Variants in PTPRG observed in about 807,000 individuals in gnomAD.
PTPRG encodes receptor-type tyrosine-protein phosphatase gamma.
A neutral mutation model predicts 165.3 loss-of-function variants in PTPRG; 102 were observed. That is an observed-to-expected ratio of 0.62 (90% confidence interval 0.53 to 0.73). The LOEUF (loss-of-function observed/expected upper bound fraction) is 0.73. PTPRG is among the 30% of genes least tolerant of loss of function. PTPRG has a pLI of 0.00. For missense variants in PTPRG, 1,866 were observed against 1,861.4 expected, an observed-to-expected ratio of 1.00 and a Z score of -0.05; for synonymous variants, 675 against 669.5, an observed-to-expected ratio of 1.01 and a Z score of -0.13.
chr3:61,829,452 T>G (rs1024155439), intron 2 of PTPRG, among the ~76,000 whole-genome samples: 5 of 152,240 alleles, frequency 3.3e-5, no homozygotes, highest in Non-Finnish European at 5.9e-5. Flanking sequence ...ATGCCTCACT[T>G]AGCCCGATCA....
At chr3:62,088,321 T>G (rs1243334917) in intron 5 of PTPRG, among the ~76,000 whole-genome samples, 1 of 152,132 alleles carries the variant, frequency 6.6e-6, no homozygotes, top group Non-Finnish European at 1.5e-5. Context: ...GGTCATCAAC[T>G]AGCTAAGTGA....
intron 2 of PTPRG, among the ~76,000 whole-genome samples, chr3:61,963,322 A>G (rs1382800): frequency 0.029 from 4,423 of 152,240 alleles, 158 homozygotes; most frequent in African/African-American, 0.083. Context: ...TCATTATTTC[A>G]TAAGAGTTTA....
At chr3:61,900,505 G>A (rs1319394752) in intron 2 of PTPRG, among the ~76,000 whole-genome samples, 1 of 152,170 alleles carries the variant, frequency 6.6e-6, no homozygotes, top group Admixed American at 6.6e-5. Flanking sequence ...ATCCTCTGAT[G>A]TAAGGTGTGT....
Position 62,282,714 on chromosome 3 carries a change from G to T in PTPRG, c.3913-13G>T. ...TAAAGGAAGGGATTTGACCCATGTT[G>T]TATTGGTTACAGGATGACTATGTCT... On this transcript the variant is annotated splice_polypyrimidine_tract_variant and intron_variant, in intron 27 of 29. Transcript: ENST00000474889. The T allele has an allele frequency of 6.2e-7, 1 of 1,602,996 alleles. No individual in the cohort carries two copies. The highest frequency in any genetic ancestry group is 8.5e-7 in the Non-Finnish European group (1 of 1,176,506).
intron 3 of PTPRG, among the ~76,000 whole-genome samples, chr3:61,998,262 A>G (rs947177412): frequency 6.6e-6 from 1 of 152,172 alleles, no homozygotes; most frequent in Non-Finnish European, 1.5e-5. Flanking sequence ...GGCCCTTTGC[A>G]TAGCCTGGAG....
chr3:62,171,512 A>G (rs924141552), intron 8 of PTPRG, among the ~76,000 whole-genome samples: 3 of 152,170 alleles, frequency 2.0e-5, no homozygotes, highest in African/African-American at 7.2e-5. Context: ...ACTGCAGTCC[A>G]GTTTTAGAAT....
intron 2 of PTPRG, among the ~76,000 whole-genome samples, chr3:61,765,737 A>G (rs187977794): frequency 6.6e-6 from 1 of 152,236 alleles, no homozygotes; most frequent in African/African-American, 2.4e-5. Context: ...TAAATGTAGT[A>G]GTAATGGCCA....
chr3:62,014,682 T>C (rs2041499372), intron 4 of PTPRG, among the ~76,000 whole-genome samples: 1 of 152,202 alleles, frequency 6.6e-6, no homozygotes, highest in Non-Finnish European at 1.5e-5. Flanking sequence ...TGCTATTTCT[T>C]AGCCTGCCTC....
Position 61,562,260 on chromosome 3 carries a change from T to TTC in PTPRG, c.-27_-26dup. On this transcript the variant is annotated 5_prime_UTR_variant, in exon 1 of 30. Coordinates refer to ENST00000474889, the MANE Select transcript of PTPRG (RefSeq NM_002841.4). ...TATTCAACAAGTTTACCTCCCTGCT[T>TTC]TCCTCTTTTCGATGTGCGTTTTCGG... is the stretch of plus-strand genomic sequence containing the variant. 3 of 1,605,228 alleles carry TTC rather than the reference T, an allele frequency of 1.9e-6. No homozygotes were observed. The highest frequency in any genetic ancestry group is 2.6e-6 in the Non-Finnish European group (3 of 1,172,066).
intron 1 of PTPRG, among the ~76,000 whole-genome samples, chr3:61,705,018 G>A (rs1362234468): frequency 2.0e-5 from 3 of 152,158 alleles, no homozygotes; most frequent in Admixed American, 6.5e-5. Flanking sequence ...GCAGCTCCTG[G>A]GAGAACCCCA....
intron 1 of PTPRG, among the ~76,000 whole-genome samples, chr3:61,579,648 T>G (rs1700238895): frequency 6.6e-6 from 1 of 152,250 alleles, no homozygotes; most frequent in Non-Finnish European, 1.5e-5. Flanking sequence ...GTGCTCTTCT[T>G]TCTAACAGTG....
At chr3:61,739,784 CTT>C (rs1383174739) in intron 1 of PTPRG, among the ~76,000 whole-genome samples, 1 of 152,200 alleles carries the variant, frequency 6.6e-6, no homozygotes, top group Non-Finnish European at 1.5e-5. Flanking sequence ...CACAGGGACT[CTT>C]TAAGAAATAC....
intron 8 of PTPRG, among the ~76,000 whole-genome samples, chr3:62,182,781 C>T (rs902216772): frequency 6.6e-6 from 1 of 152,120 alleles, no homozygotes; most frequent in Non-Finnish European, 1.5e-5. Flanking sequence ...CTCAGTCTCC[C>T]GAGTAGCTGG....
At chr3:61,612,916 G>A (rs1701212122) in intron 1 of PTPRG, among the ~76,000 whole-genome samples, 4 of 151,944 alleles carry the variant, frequency 2.6e-5, no homozygotes, top group Admixed American at 2.6e-4. Flanking sequence ...TGGTAGAACA[G>A]CCTTTGTTGT....
intron 2 of PTPRG, among the ~76,000 whole-genome samples, chr3:61,840,782 GTTTTTTTT>G (rs149041037): frequency 2.5e-5 from 3 of 120,088 alleles, no homozygotes; most frequent in Non-Finnish European, 5.1e-5. Context: ...TTGTTTGTTT[GTTTTTTTT>G]TTTTTTTTTT....
chr3:61,755,770 A>G (rs1345126432), intron 2 of PTPRG, among the ~76,000 whole-genome samples: 1 of 152,208 alleles, frequency 6.6e-6, no homozygotes, highest in Non-Finnish European at 1.5e-5. Context: ...TTAAGGGCTT[A>G]ATGAAGAGGA....
chr3:62,127,806 T>C (rs1330230496), intron 5 of PTPRG, among the ~76,000 whole-genome samples: 7 of 152,194 alleles, frequency 4.6e-5, no homozygotes, highest in African/African-American at 1.7e-4. Flanking sequence ...ACATGTCGTC[T>C]GATGGGGTCT....
chr3:61,759,293 C>T (rs1399018630), intron 2 of PTPRG, among the ~76,000 whole-genome samples: 1 of 152,136 alleles, frequency 6.6e-6, no homozygotes, highest in Non-Finnish European at 1.5e-5. Context: ...TAGAACTTTG[C>T]CTTCTTGAGA....
intron 2 of PTPRG, among the ~76,000 whole-genome samples, chr3:61,801,743 G>C (rs933799729): frequency 2.0e-4 from 30 of 152,160 alleles, no homozygotes; most frequent in African/African-American, 6.3e-4. Context: ...ATGGTGGGCT[G>C]TTCACTGTCC....
Sources: gnomAD v4.1 joint callset for allele counts (sites outside exome capture counted in the v4.1 genomes callset) on GRCh38, gnomAD v4.1.1 for gene constraint, MANE v1.5 for transcripts, NCBI Gene and HGNC (gene_info 2026-07-23, HGNC 2026-07-21) for gene names.